The following SPMIP7 variants were observed in gnomAD, a reference collection of about 807,000 sequenced individuals.
SPMIP7 encodes the protein protein SPMIP7.
At chr7:50,132,322 T>G in the SPMIP7 span, among the ~76,000 whole-genome samples, 2 of 152,174 alleles carry the variant, frequency 1.3e-5, no homozygotes, top group Non-Finnish European at 2.9e-5. Flanking sequence ...CATAAATTCC[T>G]CTCTGACTTT....
At chr7:50,120,580 T>G in the SPMIP7 span, among the ~76,000 whole-genome samples, 2 of 152,128 alleles carry the variant, frequency 1.3e-5, no homozygotes, top group Admixed American at 6.6e-5. Context: ...TAGCCAACAC[T>G]GCAATTCCTG....
the SPMIP7 span, among the ~76,000 whole-genome samples, chr7:50,099,131 A>G: frequency 6.6e-6 from 1 of 152,136 alleles, no homozygotes; most frequent in East Asian, 1.9e-4. Flanking sequence ...CACTTACCGT[A>G]ATGTCCTTCA....
chr7:50,153,866 T>C, the SPMIP7 span, among the ~76,000 whole-genome samples: 1 of 152,290 alleles, frequency 6.6e-6, no homozygotes, highest in African/African-American at 2.4e-5. Flanking sequence ...GGCCACTGCA[T>C]ACAGACAATT....
At chr7:50,115,660 A>T in the SPMIP7 span, among the ~76,000 whole-genome samples, 118 of 152,326 alleles carry the variant, frequency 7.7e-4, no homozygotes, top group African/African-American at 2.8e-3. Context: ...AGTGATATAC[A>T]AATGGTTAAT....
the SPMIP7 span, among the ~76,000 whole-genome samples, chr7:50,119,247 CT>C: frequency 6.6e-6 from 1 of 152,164 alleles, no homozygotes; most frequent in East Asian, 1.9e-4. Context: ...CCCCTCCAAG[CT>C]CCTGGAAATG....
the SPMIP7 span, chr7:50,134,241 A>G: frequency 1.9e-5 from 30 of 1,540,150 alleles, no homozygotes; most frequent in East Asian, 6.9e-4. Flanking sequence ...GCCAGCAATA[A>G]CTCAGGTCAG....
At chr7:50,149,468 C>T in the SPMIP7 span, among the ~76,000 whole-genome samples, 8 of 152,152 alleles carry the variant, frequency 5.3e-5, no homozygotes, top group Non-Finnish European at 1.2e-4. Context: ...TGCAGTTGAC[C>T]GAGCTGAAGC....
the SPMIP7 span, among the ~76,000 whole-genome samples, chr7:50,150,167 G>A: frequency 5.5e-3 from 832 of 152,264 alleles, 32 homozygotes; most frequent in South Asian, 0.091. Flanking sequence ...CTTACTGGTC[G>A]TGTGGGAAGG....
At chr7:50,110,691 T>C in the SPMIP7 span, among the ~76,000 whole-genome samples, 360 of 126,988 alleles carry the variant, frequency 2.8e-3, 3 homozygotes, top group African/African-American at 0.01. Context: ...ATACATTATA[T>C]ATACATATTA....
chr7:50,107,390 A>AG, the SPMIP7 span, among the ~76,000 whole-genome samples: 1 of 79,780 alleles, frequency 1.3e-5, no homozygotes, highest in Non-Finnish European at 2.5e-5. Flanking sequence ...AAAAAAGAAA[A>AG]GAAAAGAAAA....
At chr7:50,140,329 T>C in the SPMIP7 span, 1 of 448,222 alleles carries the variant, frequency 2.2e-6, no homozygotes, top group South Asian at 6.2e-5. Flanking sequence ...ACAGTGCCTG[T>C]TTAATGTCAG....
the SPMIP7 span, chr7:50,117,255 A>C: frequency 2.2e-6 from 1 of 455,738 alleles, no homozygotes; most frequent in East Asian, 6.9e-5. Flanking sequence ...GTACTTACCC[A>C]AAAACATGAA....
the SPMIP7 span, chr7:50,117,441 AT>A: frequency 2.4e-5 from 6 of 252,992 alleles, no homozygotes; most frequent in South Asian, 2.5e-4. Flanking sequence ...AATATATTAA[AT>A]TCCAGACAAA....
the SPMIP7 span, chr7:50,159,105 T>C: frequency 6.4e-7 from 1 of 1,551,800 alleles, no homozygotes; most frequent in African/African-American, 1.4e-5. Context: ...CTGTCTCGAC[T>C]GGTCACAACT....
chr7:50,138,768 T>TTTA, the SPMIP7 span, among the ~76,000 whole-genome samples: 13 of 143,562 alleles, frequency 9.1e-5, no homozygotes, highest in Admixed American at 4.4e-4. Context: ...AATGGGATTT[T>TTTA]TTTTTTTTTG....
the SPMIP7 span, among the ~76,000 whole-genome samples, chr7:50,101,082 C>G: frequency 6.6e-6 from 1 of 152,152 alleles, no homozygotes; most frequent in African/African-American, 2.4e-5. Flanking sequence ...CAAAAGTGAT[C>G]CTCAGCAATT....
At chr7:50,157,390 C>T in the SPMIP7 span, among the ~76,000 whole-genome samples, 4 of 152,110 alleles carry the variant, frequency 2.6e-5, no homozygotes, top group Non-Finnish European at 4.4e-5. Flanking sequence ...GGAATACAGG[C>T]GCAAGTGTTT....
At chr7:50,158,931 C>A in the SPMIP7 span, 2 of 1,014,520 alleles carry the variant, frequency 2.0e-6, no homozygotes, top group Non-Finnish European at 2.9e-6. Context: ...TCCCTGCCTG[C>A]AGTGCGCGCT....
At chr7:50,125,361 T>TAC in the SPMIP7 span, among the ~76,000 whole-genome samples, 2 of 133,626 alleles carry the variant, frequency 1.5e-5, no homozygotes, top group African/African-American at 2.9e-5. Context: ...CACATATATA[T>TAC]ACACATATAT....
Sources: allele counts gnomAD v4.1 joint callset (sites outside exome capture counted in the v4.1 genomes callset), GRCh38; gene constraint gnomAD v4.1.1; transcripts MANE v1.5; gene names NCBI Gene and HGNC (gene_info 2026-07-23, HGNC 2026-07-21).